Variants in TENM2 observed in about 807,000 individuals in gnomAD.
TENM2 encodes the protein teneurin-2.
A neutral mutation model predicts 245.2 loss-of-function variants in TENM2; 52 were observed. The ratio of observed to expected loss-of-function variants is 0.21; its 90% CI spans 0.17 to 0.27. The LOEUF is 0.27. Among genes scored for constraint, TENM2 ranks in the 10% least tolerant of loss-of-function variants. The pLI is 1.00. For synonymous variants in TENM2, 1,363 were observed against 1,438.9 expected (o/e 0.95, Z 1.19); for missense variants, 3,046 against 3,666.8 (o/e 0.83, Z 4.37).
intron 2 of TENM2, among the ~76,000 whole-genome samples, chr5:167,744,873 C>T (rs932057836): frequency 6.6e-6 from 1 of 152,130 alleles, no homozygotes; most frequent in South Asian, 2.1e-4. Flanking sequence ...TTAGTATCCT[C>T]CTAGGACCTA....
chr5:168,080,206 G>A (rs1445628339), intron 7 of TENM2, among the ~76,000 whole-genome samples: 2 of 152,146 alleles, frequency 1.3e-5, no homozygotes, highest in Admixed American at 6.5e-5. Flanking sequence ...AGATTTTCTA[G>A]TTTATTTGCG....
At chr5:168,156,761 C>T (rs1174711899) in intron 12 of TENM2, among the ~76,000 whole-genome samples, 1 of 151,972 alleles carries the variant, frequency 6.6e-6, no homozygotes, top group Non-Finnish European at 1.5e-5. Flanking sequence ...ACCTTGGAAA[C>T]TCTCTCATTT....
chr5:167,213,261 G>A, the TENM2 span, among the ~76,000 whole-genome samples: 1 of 152,192 alleles, frequency 6.6e-6, no homozygotes, highest in Non-Finnish European at 1.5e-5. Flanking sequence ...CTGGGCTACT[G>A]TAAATGAATA....
At chr5:167,475,188 A>T (rs1159210988) in intron 2 of TENM2, among the ~76,000 whole-genome samples, 1 of 152,210 alleles carries the variant, frequency 6.6e-6, no homozygotes, top group East Asian at 1.9e-4. Flanking sequence ...TTATACTGAA[A>T]ATTATTGAAT....
At chr5:167,080,722 T>G in the TENM2 span, among the ~76,000 whole-genome samples, 24 of 152,284 alleles carry the variant, frequency 1.6e-4, no homozygotes, top group African/African-American at 5.3e-4. Flanking sequence ...GATTAAATAA[T>G]GACATCCAAA....
At chr5:167,288,467 G>A (rs913043402) in intron 1 of TENM2, among the ~76,000 whole-genome samples, 3 of 152,096 alleles carry the variant, frequency 2.0e-5, no homozygotes, top group African/African-American at 7.2e-5. Flanking sequence ...GCTGAGGCAG[G>A]GGAATGGCGT....
chr5:167,827,449 A>G (rs1374514286), intron 2 of TENM2, among the ~76,000 whole-genome samples: 2 of 152,262 alleles, frequency 1.3e-5, no homozygotes, highest in East Asian at 3.9e-4. Context: ...GTGGTGATTA[A>G]CATCTATTCA....
chr5:167,476,092 G>A (rs1005903525), intron 2 of TENM2, among the ~76,000 whole-genome samples: 4 of 152,036 alleles, frequency 2.6e-5, no homozygotes, highest in African/African-American at 4.8e-5. Flanking sequence ...TGTTATTTTC[G>A]TTGAAGTATA....
At chr5:167,925,590 A>G (rs1301265395) in intron 3 of TENM2, among the ~76,000 whole-genome samples, 4 of 152,222 alleles carry the variant, frequency 2.6e-5, no homozygotes, top group African/African-American at 7.2e-5. Context: ...TCAAGCCAGC[A>G]ATCCCATTAC....
chr5:167,357,127 A>G (rs1451226727), intron 1 of TENM2, among the ~76,000 whole-genome samples: 1 of 152,156 alleles, frequency 6.6e-6, no homozygotes, highest in Non-Finnish European at 1.5e-5. Flanking sequence ...GCCTTGTCTT[A>G]AAGATGAATA....
At chr5:167,324,268 G>C (rs1417965857) in intron 1 of TENM2, among the ~76,000 whole-genome samples, 1 of 152,130 alleles carries the variant, frequency 6.6e-6, no homozygotes, top group Non-Finnish European at 1.5e-5. Context: ...AGATGCAGTA[G>C]CATGCACTCT....
chr5:167,846,772 G>A (rs966446910), intron 2 of TENM2, among the ~76,000 whole-genome samples: 12 of 152,142 alleles, frequency 7.9e-5, no homozygotes, highest in Admixed American at 6.5e-4. Flanking sequence ...TCCTTAAGTG[G>A]CACCTTTTGG....
rs1033351446 is a variant in TENM2, at chr5:167,929,113, G to T, written c.713-23475G>T. 6.9e-5 allele frequency among the ~76,000 whole-genome samples: 5 copies of T among 72,020 alleles called. No individual in the cohort carries two copies. In the South Asian group the frequency reaches 2.5e-3, roughly 36 times the overall value. 47.2% of individuals were successfully genotyped at this position (72,020 alleles called of 152,430 possible). A position where few individuals can be genotyped will look rare whatever the true frequency, so the allele number is the denominator to read the frequency against. ...AGAAAGAAAGAAAGAAAGAAAGAAA[G>T]AAAGAAAGAAAGAAAGAAAAGAAAG... is the stretch of plus-strand genomic sequence containing the variant. On this transcript the variant is annotated intron_variant, in intron 3 of 28. Coordinates refer to ENST00000518659, the Ensembl canonical transcript of TENM2.
chr5:167,190,413 C>T, the TENM2 span, among the ~76,000 whole-genome samples: 1 of 151,946 alleles, frequency 6.6e-6, no homozygotes, highest in Non-Finnish European at 1.5e-5. Context: ...AGATGTGGGT[C>T]ATAGCAAAGG....
At chr5:167,395,036 G>A (rs1437057516) in intron 2 of TENM2, among the ~76,000 whole-genome samples, 1 of 152,134 alleles carries the variant, frequency 6.6e-6, no homozygotes, top group East Asian at 1.9e-4. Flanking sequence ...AATGTCATTG[G>A]AATTTTGGTA....
chr5:167,135,813 G>A, the TENM2 span, among the ~76,000 whole-genome samples: 7 of 152,012 alleles, frequency 4.6e-5, no homozygotes, highest in South Asian at 4.2e-4. Flanking sequence ...AAATAGTGGC[G>A]TCTATTTTGA....
chr5:167,451,056 T>C (rs1765548672), intron 2 of TENM2, among the ~76,000 whole-genome samples: 1 of 152,250 alleles, frequency 6.6e-6, no homozygotes, highest in South Asian at 2.1e-4. Flanking sequence ...CTAAACTGTT[T>C]CGTAAAATGT....
In TENM2 at chr5:168,218,614, C is replaced by T; in HGVS notation, c.4723C>T (p.Pro1575Ser). ...GATCAGGGCGGTCAGCAAGAACAAG[C>T]CTGTTCTTAATGCCTTCAACCAGTA... is the stretch of plus-strand genomic sequence containing the variant. The change falls in exon 23 of 29, where the codon CCT (proline) becomes TCT (serine). Residue 1575 changes from proline (P) to serine (S), a missense_variant. Pro to Ser is a moderately conservative substitution (Grantham distance 74, BLOSUM62 -1). Coordinates refer to ENST00000518659, the Ensembl canonical transcript of TENM2. This position sits in a 1 kb window ranked among gnomAD's most constrained non-coding sequence, Gnocchi z 5.2. 1.2e-6 allele frequency: 2 copies of T among 1,613,982 alleles called. No individual in the cohort carries two copies. Among genetic ancestry groups the T allele is most frequent in the South Asian group, 1.1e-5 (1 of 91,076 alleles).
Position 168,185,915 on chromosome 5 carries a change from CATATATATATATATATATATATATAT to C in TENM2, c.2570-4397_2570-4372del, listed in dbSNP as rs200942772. 1.3e-3 allele frequency among the ~76,000 whole-genome samples: 99 copies of C among 73,862 alleles called. 1 individual carries two copies. Among genetic ancestry groups the C allele is most frequent in the African/African-American group, 3.2e-3 (74 of 23,030 alleles). The allele number at this position is 73,862 out of a possible 152,430, so 48.5% of individuals were successfully genotyped here. ...GGACATATACTATATACCAGACTGA[CATATATATATATATATATATATATAT>C]ATATATATATATATATATATATATT... On this transcript the variant is annotated intron_variant, in intron 13 of 28. Transcript: ENST00000518659.
Sources: allele counts gnomAD v4.1 joint callset (sites outside exome capture counted in the v4.1 genomes callset), GRCh38; gene constraint gnomAD v4.1.1; non-coding constraint Gnocchi (gnomAD v3.1); transcripts MANE v1.5; gene names NCBI Gene and HGNC (gene_info 2026-07-23, HGNC 2026-07-21).